The following MRPL42 variants were observed in gnomAD, a reference collection of about 807,000 sequenced individuals.
MRPL42 encodes the protein large ribosomal subunit protein mL42.
A neutral mutation model predicts 17.9 loss-of-function variants in MRPL42; 17 were observed. The observed-to-expected ratio is 0.95, with a 90% CI of 0.65 to 1.42. The LOEUF (loss-of-function observed/expected upper bound fraction) is 1.42, where lower values mean the gene tolerates loss of function less well. Ranked by LOEUF, MRPL42 falls within the 40% of genes most tolerant of loss-of-function variation. The pLI is 0.00. For synonymous variants in MRPL42, 59 were observed against 54.4 expected, an observed-to-expected ratio of 1.08 and a Z score of -0.37; for missense variants, 177 against 175.2, an observed-to-expected ratio of 1.01 and a Z score of -0.06.
chr12:93,494,262 A>G (rs1319530770), intron 5 of MRPL42, among the ~76,000 whole-genome samples: 6 of 152,232 alleles, frequency 3.9e-5, no homozygotes, highest in East Asian at 3.8e-4. Context: ...CTACGCTACA[A>G]ACAGACTGCA....
chr12:93,483,259 G>T (rs1880550363), intron 4 of MRPL42, among the ~76,000 whole-genome samples: 1 of 152,132 alleles, frequency 6.6e-6, no homozygotes. Context: ...TGATATCTTT[G>T]TTACTTTGCA....
intron 2 of MRPL42, among the ~76,000 whole-genome samples, chr12:93,470,885 G>A (rs946623878): frequency 2.0e-5 from 3 of 152,072 alleles, no homozygotes; most frequent in Non-Finnish European, 2.9e-5. Context: ...CCATGTCTTC[G>A]CTATTGTGAA....
intron 5 of MRPL42, among the ~76,000 whole-genome samples, chr12:93,497,677 G>T (rs962230397): frequency 2.6e-5 from 4 of 151,048 alleles, no homozygotes; most frequent in African/African-American, 9.7e-5. Context: ...ACAAGACAAG[G>T]ATGCCCACTC....
intron 3 of MRPL42, among the ~76,000 whole-genome samples, chr12:93,478,871 G>A (rs75844430): frequency 0.019 from 2,964 of 152,004 alleles, 46 homozygotes; most frequent in Admixed American, 0.037. Context: ...TGCCAATCCA[G>A]TGATGTAGTA....
At chr12:93,469,977 CTCTT>C (rs1244137527) in intron 2 of MRPL42, among the ~76,000 whole-genome samples, 1 of 121,106 alleles carries the variant, frequency 8.3e-6, no homozygotes, top group Non-Finnish European at 1.8e-5. Context: ...TAGTATTTCT[CTCTT>C]TTTTTTTTTT....
chr12:93,500,542 A>G (rs959374626), intron 5 of MRPL42, among the ~76,000 whole-genome samples: 6 of 152,204 alleles, frequency 3.9e-5, no homozygotes, highest in Non-Finnish European at 8.8e-5. Context: ...TTTATATTAA[A>G]ACATGATTTT....
Position 93,487,515 on chromosome 12 carries a change from C to A in MRPL42, c.238C>A (p.Pro80Thr), listed in dbSNP as rs772737356. ...TTTGTAGCCTATCCCTCGGCCAGATCCTGTGCATAATAATGAAGAAACACA... is the reference window on the plus strand; with the variant it reads ...TTTGTAGCCTATCCCTCGGCCAGATACTGTGCATAATAATGAAGAAACACA... ...EHTKPIPRPD[P>T]VHNNEETHDQ... Residue 80 changes from proline to threonine, a missense_variant, in exon 5 of 6, where the codon CCT (proline) becomes ACT (threonine). Pro to Thr is a conservative substitution (Grantham distance 38). Transcript: ENST00000549982. 3 of 1,613,038 alleles carry A rather than the reference C, an allele frequency of 1.9e-6. No homozygotes were observed. The highest frequency in any genetic ancestry group is 2.2e-5 in the South Asian group (2 of 90,788).
chr12:93,513,008 T>C lies in MRPL42; in HGVS notation c.*11787T>C, dbSNP rs963396873. On this transcript the variant is annotated 3_prime_UTR_variant, in exon 6 of 6. Coordinates refer to ENST00000549982, the MANE Select transcript of MRPL42 (RefSeq NM_014050.4). Reference sequence around the variant, plus strand: ...TGAAATTAGTTTAAAAACTTTTTTTTCCCATTCCGACCATTATCCCTTTGT... The same window carrying C: ...TGAAATTAGTTTAAAAACTTTTTTTCCCCATTCCGACCATTATCCCTTTGT... 2.0e-5 allele frequency: 3 copies of C among 152,146 alleles called. No homozygotes were observed. Among genetic ancestry groups the C allele is most frequent in the Admixed American group, 2.0e-4 (3 of 15,264 alleles). 9.4% of individuals were successfully genotyped at this position (152,146 alleles called of 1,614,324 possible).
At chr12:93,480,560 G>A (rs1278853246) in intron 4 of MRPL42, among the ~76,000 whole-genome samples, 2 of 127,022 alleles carry the variant, frequency 1.6e-5, no homozygotes, top group Non-Finnish European at 3.3e-5. Flanking sequence ...TTTTTTTTTT[G>A]AGACTGAGTC....
At chr12:93,485,882 C>T (rs1880718489) in intron 4 of MRPL42, among the ~76,000 whole-genome samples, 1 of 152,184 alleles carries the variant, frequency 6.6e-6, no homozygotes, top group African/African-American at 2.4e-5. Context: ...TCATGGCTCA[C>T]TGCAGCCTTG....
At chr12:93,470,526 A>G (rs768375478) in intron 2 of MRPL42, 19 of 1,295,964 alleles carry the variant, frequency 1.5e-5, no homozygotes, top group Non-Finnish European at 1.7e-5. Context: ...TGGATGTATT[A>G]CATATACTGA....
At position 93,511,178 on chromosome 12, in the gene MRPL42, C is replaced by G. The variant is rs1229498890; in HGVS notation, c.*9957C>G. ...AGCCATAAATGAAGACATGGGAAAA[C>G]CATAACATGTTATTTGCTGAGAAGT... On this transcript the variant is annotated 3_prime_UTR_variant, in exon 6 of 6. Transcript: ENST00000549982. 7 of 151,994 alleles carry G rather than the reference C, an allele frequency of 4.6e-5. No individual in the cohort carries two copies. The highest frequency in any genetic ancestry group is 1.7e-4 in the African/African-American group (7 of 41,374). The allele number at this position is 151,994 out of a possible 1,614,324, so 9.4% of individuals were successfully genotyped here.
At chr12:93,478,582 T>C (rs1236022007) in intron 3 of MRPL42, among the ~76,000 whole-genome samples, 1 of 152,320 alleles carries the variant, frequency 6.6e-6, no homozygotes, top group East Asian at 1.9e-4. Context: ...TAATGAGTAC[T>C]ATAATAGCGA....
chr12:93,496,691 A>G (rs543333482), intron 5 of MRPL42, among the ~76,000 whole-genome samples: 1 of 148,928 alleles, frequency 6.7e-6, no homozygotes, highest in African/African-American at 2.5e-5. Context: ...TATGCTGCCT[A>G]TAAGAAATCC....
At chr12:93,488,659 G>A (rs184921436) in intron 5 of MRPL42, among the ~76,000 whole-genome samples, 7 of 152,150 alleles carry the variant, frequency 4.6e-5, no homozygotes, top group Admixed American at 2.0e-4. Flanking sequence ...ATTGGGCAGC[G>A]TATGTTGTTC....
rs190166051 is a variant in MRPL42 at position 93,515,408 on chromosome 12, G to T, written c.*14187G>T. The T allele has an allele frequency of 6.9e-5, 10 of 145,274 alleles. No homozygotes were observed. Among genetic ancestry groups the T allele is most frequent in the African/African-American group, 2.3e-4 (9 of 39,050 alleles). 9.0% of individuals were successfully genotyped at this position (145,274 alleles called of 1,614,324 possible). A position where few individuals can be genotyped will look rare whatever the true frequency, so the allele number is the denominator to read the frequency against. On this transcript the variant is annotated 3_prime_UTR_variant, in exon 6 of 6. Coordinates refer to ENST00000549982, the MANE Select transcript of MRPL42 (RefSeq NM_014050.4). ...TTTTGAGACAGAGACTTGCTGTGTT[G>T]CCCAGGCTGGAGTGCAGTGGGGTGA...
intron 1 of MRPL42, among the ~76,000 whole-genome samples, chr12:93,468,045 G>C (rs895317017): frequency 3.3e-5 from 5 of 152,190 alleles, no homozygotes; most frequent in African/African-American, 1.2e-4. Flanking sequence ...TACGTCCCAC[G>C]CATGTATTAA....
chr12:93,485,782 C>T (rs186454016), intron 4 of MRPL42, among the ~76,000 whole-genome samples: 1 of 152,148 alleles, frequency 6.6e-6, no homozygotes, highest in East Asian at 1.9e-4. Flanking sequence ...GGTAACTTGA[C>T]CCTCCAAGAT....
Position 93,501,504 on chromosome 12 carries a change from A to T in MRPL42, c.*283A>T, listed in dbSNP as rs551291430. On this transcript the variant is annotated 3_prime_UTR_variant, in exon 6 of 6. Transcript: ENST00000549982. ...GCCATACATATTCAGTAGAACATCA[A>T]TAAATTACATCAGAAATTCAACACT... 1.8e-4 allele frequency: 41 copies of T among 222,570 alleles called. 1 individual carries two copies. The East Asian group carries it at 3.5e-3, about 19-fold the overall frequency. 13.8% of individuals were successfully genotyped at this position (222,570 alleles called of 1,614,324 possible).
Sources: allele counts gnomAD v4.1 joint callset (sites outside exome capture counted in the v4.1 genomes callset), GRCh38; gene constraint gnomAD v4.1.1; transcripts MANE v1.5; gene names NCBI Gene and HGNC (gene_info 2026-07-23, HGNC 2026-07-21).